FGD5: variants seen among roughly 807,000 people sequenced by gnomAD.
The protein encoded by FGD5 is FYVE, RhoGEF and PH domain containing 5, also known as FYVE, RhoGEF and PH domain-containing protein 5.
In FGD5, 28 loss-of-function variants were observed where a neutral mutation model predicts 133.4. The observed-to-expected ratio is 0.21, with a 90% CI of 0.16 to 0.29. The LOEUF (loss-of-function observed/expected upper bound fraction) is 0.29, where lower values mean the gene tolerates loss of function less well. Among genes scored for constraint, FGD5 ranks in the 10% least tolerant of loss-of-function variants. The pLI is 1.00. For missense variants in FGD5, 1,858 were observed against 1,895.2 expected (o/e 0.98, Z 0.36); for synonymous variants, 810 against 776.5 (o/e 1.04, Z -0.72).
At chr3:14,874,347 C>T (rs932838439) in intron 2 of FGD5, among the ~76,000 whole-genome samples, 2 of 151,874 alleles carry the variant, frequency 1.3e-5, no homozygotes, top group African/African-American at 2.4e-5. Flanking sequence ...AATGAGACCT[C>T]GTCTCTACAA....
intron 4 of FGD5, among the ~76,000 whole-genome samples, chr3:14,895,576 T>C (rs1033282488): frequency 6.6e-6 from 1 of 152,148 alleles, no homozygotes; most frequent in African/African-American, 2.4e-5. Context: ...TTTGTTTTTT[T>C]GTTTGTTTGT....
intron 1 of FGD5, among the ~76,000 whole-genome samples, chr3:14,831,218 G>A (rs2036701189): frequency 6.6e-6 from 1 of 152,154 alleles, no homozygotes; most frequent in Non-Finnish European, 1.5e-5. Flanking sequence ...TGGGAAGTCG[G>A]GTAGGCAGGG....
At chr3:14,854,432 T>TATTGATTGATTG (rs71038441) in intron 1 of FGD5, among the ~76,000 whole-genome samples, 3,090 of 143,400 alleles carry the variant, frequency 0.022, 56 homozygotes, top group Admixed American at 0.041. Flanking sequence ...TTTATTTATT[T>TATTGATTGATTG]ATTGAGACGA....
intron 4 of FGD5, among the ~76,000 whole-genome samples, chr3:14,888,771 G>A (rs7648549): frequency 0.69 from 104,897 of 152,026 alleles, 36,338 homozygotes; most frequent in Non-Finnish European, 0.72. Flanking sequence ...AGCAAGATGT[G>A]TATTGGATGA....
chr3:14,820,729 T>G lies in FGD5; in HGVS notation c.1658T>G (p.Val553Gly), dbSNP rs377124672. Residue 553 changes from valine (V) to glycine (G), a missense_variant, in exon 1 of 20, where the codon GTG (valine) becomes GGG (glycine). Val to Gly is a moderately radical substitution (Grantham distance 109). Transcript: ENST00000285046. ...ACTTTATACCCTCGGTCGTTCTCCG[T>G]GGAAGGCCGAGAGATTCCAGTGTCC... ...AFTLYPRSFS[V>G]EGREIPVSVY... The G allele has an allele frequency of 7.5e-6, 12 of 1,606,044 alleles. No homozygotes were observed. The highest frequency in any genetic ancestry group is 1.3e-5 in the African/African-American group (1 of 74,380).
At chr3:14,892,594 G>A (rs1040080389) in intron 4 of FGD5, among the ~76,000 whole-genome samples, 7 of 152,320 alleles carry the variant, frequency 4.6e-5, no homozygotes, top group East Asian at 1.9e-4. Flanking sequence ...GAGGCGGGCA[G>A]ATCACCTGAG....
intron 4 of FGD5, among the ~76,000 whole-genome samples, chr3:14,895,900 A>G (rs569987145): frequency 9.2e-4 from 140 of 152,354 alleles, no homozygotes; most frequent in Middle Eastern, 3.4e-3. Context: ...GACGCCACCA[A>G]GAAACTAATA....
intron 1 of FGD5, among the ~76,000 whole-genome samples, chr3:14,858,128 G>C (rs2037321416): frequency 6.6e-6 from 1 of 152,112 alleles, no homozygotes; most frequent in South Asian, 2.1e-4. Flanking sequence ...TACTCTCTCT[G>C]GGCTCAGAAG....
At position 14,820,627 on chromosome 3, in the gene FGD5, TG is replaced by T; in HGVS notation, c.1559del (p.Gly520GlufsTer57). ...GGCATTGGAGGTGCCGCAGAGGAGG[TG>T]GGAAAGACGCTTTTGTCATTGGAGG... is the stretch of plus-strand genomic sequence containing the variant. ...APGIGGAAEE[V>X]GKTLLSLEGK... On this transcript the variant is annotated frameshift_variant, in exon 1 of 20. Coordinates refer to ENST00000285046, the MANE Select transcript of FGD5 (RefSeq NM_152536.4). LOFTEE classifies it high-confidence loss of function. 1 of 1,602,478 alleles carries T rather than the reference TG, an allele frequency of 6.2e-7. No homozygotes were observed. Among genetic ancestry groups the T allele is most frequent in the Non-Finnish European group, 8.5e-7 (1 of 1,174,996 alleles).
chr3:14,897,381 A>G (rs1310427715), intron 4 of FGD5, 128 bp from the exon 5 acceptor site: 2 of 1,078,884 alleles, frequency 1.9e-6, no homozygotes, highest in African/African-American at 3.2e-5. Flanking sequence ...GGGTCTGGAG[A>G]CACTGGCTTA....
chr3:14,905,629 A>G (rs549242292), intron 9 of FGD5, among the ~76,000 whole-genome samples: 3 of 152,056 alleles, frequency 2.0e-5, no homozygotes, highest in Non-Finnish European at 4.4e-5. Context: ...TTGGACGCTC[A>G]CGTATGGTTT....
chr3:14,885,537 C>A (rs2037910762), intron 4 of FGD5, among the ~76,000 whole-genome samples: 1 of 152,196 alleles, frequency 6.6e-6, no homozygotes, highest in Non-Finnish European at 1.5e-5. Flanking sequence ...CCTTCGGCTC[C>A]CTACATCTTC....
chr3:14,918,696 C>T (rs942766709), intron 12 of FGD5, 58 bp from the exon 13 acceptor site: 38 of 1,543,346 alleles, frequency 2.5e-5, no homozygotes, highest in East Asian at 4.5e-5. Flanking sequence ...CAGGAGAAGC[C>T]GGTCTACACT....
At chr3:14,908,941 T>TTCATTC (rs1559502063) in intron 10 of FGD5, among the ~76,000 whole-genome samples, 87 of 149,944 alleles carry the variant, frequency 5.8e-4, no homozygotes, top group African/African-American at 2.0e-3. Context: ...TTTATTTATT[T>TTCATTC]ATTTATTTAT....
rs141279085 is a variant in FGD5, at chr3:14,820,971, C to G, written c.1900C>G (p.Pro634Ala). The stretch of plus-strand genomic sequence containing the variant: ...CAAGAAGCCCATCACAAAGAGCTCT[C>G]CCTCACTCCTGATCGAGAGCGACTC... ...ITKKPITKSS[P>A]SLLIESDSPD... is the part of the protein sequence containing the mutation. The change falls in exon 1 of 20, where the codon CCC (proline) becomes GCC (alanine). Residue 634 changes from proline (P) to alanine (A), a missense_variant. This residue lies in a region of FGD5 where 1,824 missense variants were observed against 1,848.9 expected (regional missense o/e 0.99). Coordinates refer to ENST00000285046, the MANE Select transcript of FGD5 (RefSeq NM_152536.4). The G allele has an allele frequency of 2.5e-6, 4 of 1,613,902 alleles. No individual in the cohort carries two copies. Among genetic ancestry groups the G allele is most frequent in the East Asian group, 4.5e-5 (2 of 44,864 alleles).
chr3:14,880,664 C>T, intron 3 of FGD5, 34 bp downstream of exon 3: 1 of 1,613,996 alleles, frequency 6.2e-7, no homozygotes, highest in Non-Finnish European at 8.5e-7. Context: ...TGGCCTTGAG[C>T]TTATAAACAA....
chr3:14,892,386 A>G (rs1288878701), intron 4 of FGD5, among the ~76,000 whole-genome samples: 1 of 151,838 alleles, frequency 6.6e-6, no homozygotes, highest in Non-Finnish European at 1.5e-5. Context: ...TATTTTTGGC[A>G]GTCTCGCCAT....
intron 1 of FGD5, among the ~76,000 whole-genome samples, chr3:14,812,313 G>A (rs1008239876): frequency 6.6e-6 from 1 of 152,198 alleles, no homozygotes; most frequent in Non-Finnish European, 1.5e-5. Context: ...CTTGGAAAGG[G>A]GGTTGCCTCC....
chr3:14,821,330 C>G lies in FGD5; in HGVS notation c.2259C>G (p.Phe753Leu). The part of the protein sequence containing the change: ...ESFEDRSRPP[F>L]LPLPLTKPRS... ...TTGAAGACCGCTCCCGGCCGCCCTT[C>G]CTGCCCTTGCCACTGACCAAGCCAC... The change falls in exon 1 of 20, where the codon TTC becomes TTG. Residue 753 changes from phenylalanine to leucine, a missense_variant. Physicochemically the swap from Phe to Leu is conservative, Grantham distance 22. This residue lies in a region of FGD5 where 1,824 missense variants were observed against 1,848.9 expected (regional missense o/e 0.99). Coordinates refer to ENST00000285046, the MANE Select transcript of FGD5 (RefSeq NM_152536.4). 6.2e-7 allele frequency: 1 copy of G among 1,614,016 alleles called. No individual in the cohort carries two copies. Among genetic ancestry groups the G allele is most frequent in the Non-Finnish European group, 8.5e-7 (1 of 1,179,898 alleles).
Sources: allele counts gnomAD v4.1 joint callset (sites outside exome capture counted in the v4.1 genomes callset), GRCh38; gene constraint gnomAD v4.1.1; regional missense constraint gnomAD v4.1.1; transcripts MANE v1.5; gene names NCBI Gene and HGNC (gene_info 2026-07-23, HGNC 2026-07-21).